NAV2: variants seen among roughly 807,000 people sequenced by gnomAD.
The protein encoded by NAV2 is neuron navigator 2.
Under a neutral mutation model 223.2 loss-of-function variants are expected in NAV2, and 54 were observed. The observed-to-expected ratio is 0.24, with a 90% CI of 0.19 to 0.30. The LOEUF (loss-of-function observed/expected upper bound fraction) is 0.30. NAV2 is among the 10% of genes least tolerant of loss of function. The probability of loss-of-function intolerance (pLI) is 1.00; values close to 1 mark genes in which losing one functional copy is unlikely to be tolerated. For synonymous variants in NAV2, 1,279 were observed against 1,239.3 expected, an observed-to-expected ratio of 1.03 and a Z score of -0.67; for missense variants, 2,806 against 3,147.5, an observed-to-expected ratio of 0.89 and a Z score of 2.60.
intron 9 of NAV2, among the ~76,000 whole-genome samples, chr11:19,947,470 C>G (rs2047025398): frequency 1.3e-5 from 2 of 152,154 alleles, no homozygotes. Context: ...GTGACTCTAC[C>G]ATTAGGTGTG....
chr11:20,037,253 G>A (rs913648184), intron 12 of NAV2, among the ~76,000 whole-genome samples: 2 of 145,244 alleles, frequency 1.4e-5, no homozygotes, highest in African/African-American at 5.2e-5. Flanking sequence ...GCACTGCCCC[G>A]TCTTTCACTC....
At chr11:19,624,224 C>CT (rs1403636512) in intron 1 of NAV2, among the ~76,000 whole-genome samples, 1 of 152,192 alleles carries the variant, frequency 6.6e-6, no homozygotes, top group Non-Finnish European at 1.5e-5. Flanking sequence ...CAGGGGCCCA[C>CT]TGAGGAGGCA....
chr11:19,796,042 A>G (rs2057865369), intron 1 of NAV2, among the ~76,000 whole-genome samples: 1 of 152,282 alleles, frequency 6.6e-6, no homozygotes, highest in South Asian at 2.1e-4. Flanking sequence ...TAAACTGCAT[A>G]TATATAATGT....
chr11:19,665,878 AG>A (rs1475457562), intron 1 of NAV2, among the ~76,000 whole-genome samples: 1 of 152,202 alleles, frequency 6.6e-6, no homozygotes, highest in Non-Finnish European at 1.5e-5. Flanking sequence ...ATTTCATTCT[AG>A]GATTATGAAT....
intron 1 of NAV2, among the ~76,000 whole-genome samples, chr11:19,386,702 G>C (rs1295830735): frequency 1.3e-5 from 2 of 151,972 alleles, no homozygotes; most frequent in African/African-American, 4.8e-5. Context: ...GAGAAAATGT[G>C]AGTTGGCATA....
At chr11:20,089,820 A>G (rs1010059437) in intron 26 of NAV2, among the ~76,000 whole-genome samples, 1 of 152,140 alleles carries the variant, frequency 6.6e-6, no homozygotes, top group African/African-American at 2.4e-5. Flanking sequence ...TGAAGAGCAA[A>G]CCTAAGTAAC....
At chr11:20,009,844 C>T (rs12286318) in intron 11 of NAV2, among the ~76,000 whole-genome samples, 32,125 of 152,060 alleles carry the variant, frequency 0.21, 4,194 homozygotes, top group African/African-American at 0.37. Context: ...TCAGGGCTCA[C>T]GTTAAATGTC....
chr11:19,879,746 C>G, intron 4 of NAV2, 123 bp from the exon 5 acceptor site: 1 of 1,104,304 alleles, frequency 9.1e-7, no homozygotes, highest in South Asian at 1.4e-5. Context: ...CCTGTGATAC[C>G]AATGAAGTGT....
intron 1 of NAV2, among the ~76,000 whole-genome samples, chr11:19,620,507 A>C (rs1439373828): frequency 5.3e-5 from 8 of 152,068 alleles, no homozygotes; most frequent in African/African-American, 1.9e-4. Flanking sequence ...TAGGTATTTT[A>C]TTCTCTTTGA....
At chr11:19,622,137 C>G (rs2047017027) in intron 1 of NAV2, among the ~76,000 whole-genome samples, 2 of 152,198 alleles carry the variant, frequency 1.3e-5, no homozygotes, top group Admixed American at 6.5e-5. Flanking sequence ...GTTATAATTT[C>G]TGTTCTTTTA....
intron 19 of NAV2, among the ~76,000 whole-genome samples, chr11:20,061,069 C>T (rs760224516): frequency 2.6e-5 from 4 of 152,164 alleles, no homozygotes; most frequent in Admixed American, 6.5e-5. Flanking sequence ...GGTCATAACT[C>T]GGTGTGGGAG....
chr11:19,655,388 A>C (rs550044689), intron 1 of NAV2, among the ~76,000 whole-genome samples: 64 of 152,236 alleles, frequency 4.2e-4, no homozygotes, highest in African/African-American at 9.1e-4. Context: ...CATCCCATTA[A>C]TGGGTATATA....
chr11:19,808,983 C>T (rs1277851352), intron 1 of NAV2, among the ~76,000 whole-genome samples: 2 of 152,192 alleles, frequency 1.3e-5, no homozygotes, highest in African/African-American at 4.8e-5. Flanking sequence ...GAATCTTTAT[C>T]TAAAAACAAA....
chr11:19,475,581 G>A (rs1026642065), intron 1 of NAV2, among the ~76,000 whole-genome samples: 5 of 152,120 alleles, frequency 3.3e-5, no homozygotes, highest in African/African-American at 9.7e-5. Context: ...TTGTGGAGCC[G>A]CTGCTGTCCC....
intron 11 of NAV2, among the ~76,000 whole-genome samples, chr11:20,004,656 G>C (rs915359018): frequency 2.0e-5 from 3 of 152,128 alleles, no homozygotes; most frequent in Non-Finnish European, 4.4e-5. Flanking sequence ...GTAACTTAAG[G>C]GGGTGCTGAA....
At chr11:19,685,367 G>A (rs973777450) in intron 1 of NAV2, among the ~76,000 whole-genome samples, 17 of 152,132 alleles carry the variant, frequency 1.1e-4, no homozygotes, top group African/African-American at 4.1e-4. Context: ...CAGTAGGGGT[G>A]GGGAAAGCAG....
intron 1 of NAV2, among the ~76,000 whole-genome samples, chr11:19,634,183 C>T (rs892326796): frequency 6.6e-6 from 1 of 152,202 alleles, no homozygotes; most frequent in Non-Finnish European, 1.5e-5. Flanking sequence ...TTGGTTGCCA[C>T]CACACTGCTC....
Position 19,995,876 on chromosome 11 carries a change from G to A in NAV2, c.2768+11629G>A, listed in dbSNP as rs367634042. On this transcript the variant is annotated intron_variant, in intron 11 of 37. Coordinates refer to ENST00000349880, the MANE Select transcript of NAV2 (RefSeq NM_145117.5). ...AGGATTTAATCAGACTTGGATGAAC[G>A]TTGTTCCCTAAATCAGCACTAATAG... Among the ~76,000 whole-genome samples the A allele has an allele frequency of 2.2e-4, 34 of 152,202 alleles. No individual in the cohort carries two copies. The South Asian group carries it at 6.4e-3, about 29-fold the overall frequency.
intron 3 of NAV2, among the ~76,000 whole-genome samples, chr11:19,861,347 G>T (rs1279007025): frequency 2.7e-5 from 4 of 149,370 alleles, no homozygotes; most frequent in Non-Finnish European, 6.0e-5. Flanking sequence ...GGAGGAAACG[G>T]AAAGCAGATA....
Sources: allele counts gnomAD v4.1 joint callset (sites outside exome capture counted in the v4.1 genomes callset), GRCh38; gene constraint gnomAD v4.1.1; transcripts MANE v1.5; gene names NCBI Gene and HGNC (gene_info 2026-07-23, HGNC 2026-07-21).